Variants in MAP3K12 observed in about 807,000 individuals in gnomAD.
MAP3K12 encodes the protein MAPK-upstream kinase.
A neutral mutation model predicts 87.5 loss-of-function variants in MAP3K12; 14 were observed. The observed-to-expected ratio is 0.16, with a 90% CI of 0.11 to 0.25. The LOEUF (loss-of-function observed/expected upper bound fraction) is 0.25. Among genes scored for constraint, MAP3K12 ranks in the 10% least tolerant of loss-of-function variants. MAP3K12 has a pLI of 1.00. For missense variants in MAP3K12, 802 were observed against 1,140.4 expected (o/e 0.70, Z 4.27); for synonymous variants, 469 against 452.5 (o/e 1.04, Z -0.46).
At chr12:53,501,011 T>TA (rs1943675893), upstream of MAP3K12, 1 of 232,012 alleles carries the variant, frequency 4.3e-6, no homozygotes, top group Non-Finnish European at 8.7e-6. Context: ...AGTGAGTCCT[T>TA]ACCGCCTCCC....
chr12:53,497,851 G>A (rs1943573264), intron 1 of MAP3K12, among the ~76,000 whole-genome samples: 1 of 152,162 alleles, frequency 6.6e-6, no homozygotes, highest in Non-Finnish European at 1.5e-5. Flanking sequence ...AGGGAGGACT[G>A]TGCATTACGA....
rs1271221114 is a variant in MAP3K12, at chr12:53,482,571, T to C, written c.2232A>G (p.Arg744=). ...AALLYRAAVT[R]SQKRGISSEE... is the part of the protein sequence containing the mutation. ...GAGCCTTCCCATACTTTACCTGACT[T>C]CGGGTGACGGCAGCCCTGTACAGCA... The change falls in exon 11 of 14, where the codon CGA becomes CGG. Residue 744 remains arginine (R), a synonymous_variant. Transcript: ENST00000547488. 3 of 1,604,338 alleles carry C rather than the reference T, an allele frequency of 1.9e-6. No individual in the cohort carries two copies. Among genetic ancestry groups the C allele is most frequent in the Non-Finnish European group, 2.6e-6 (3 of 1,175,326 alleles).
In MAP3K12 at chr12:53,497,459, C is replaced by T. The variant is rs191229007; in HGVS notation, c.-38+1968G>A. On this transcript the variant is annotated intron_variant, in intron 1 of 13. Transcript: ENST00000547488. ...TATCCTGAATGATCTTTAGCCTCCT[C>T]TGGAATCTGGTCACTGTCACAGTCT... 1.1e-3 allele frequency among the ~76,000 whole-genome samples: 175 copies of T among 152,322 alleles called. 1 individual carries two copies. Among genetic ancestry groups the T allele is most frequent in the African/African-American group, 4.0e-3 (166 of 41,574 alleles).
In MAP3K12 at chr12:53,487,392, C is replaced by T. The variant is rs763081585; in HGVS notation, c.-1G>A. ...TTCGGGTCTCATGGAGGCAAGCCATCGCCTCTGGCCCCTGGTATGATGGTG... is the reference window on the plus strand; with the variant it reads ...TTCGGGTCTCATGGAGGCAAGCCATTGCCTCTGGCCCCTGGTATGATGGTG... On this transcript the variant is annotated 5_prime_UTR_variant, in exon 2 of 14. Coordinates refer to ENST00000547488, the MANE Select transcript of MAP3K12 (RefSeq NM_001193511.2). 1.1e-5 allele frequency: 18 copies of T among 1,604,724 alleles called. No homozygotes were observed. Among genetic ancestry groups the T allele is most frequent in the Non-Finnish European group, 1.4e-5 (16 of 1,175,210 alleles).
chr12:53,482,814 C>G lies in MAP3K12; in HGVS notation c.1989G>C (p.Gly663=). 1 of 1,611,028 alleles carries G rather than the reference C, an allele frequency of 6.2e-7. No homozygotes were observed. Among genetic ancestry groups the G allele is most frequent in the South Asian group, 1.1e-5 (1 of 90,916 alleles). ...SRGRGATGGA[G]DPGSPPPARG... ...GGGCCGGAGGTGGTGAGCCAGGATC[C>G]CCAGCTCCGCCTGTGGCCCCCCGGC... is the stretch of plus-strand genomic sequence containing the variant. Residue 663 remains glycine, a synonymous_variant, in exon 11 of 14, where the codon GGG becomes GGC. Transcript: ENST00000547488.
chr12:53,495,115 G>C (rs1305749046), intron 1 of MAP3K12, among the ~76,000 whole-genome samples: 1 of 151,964 alleles, frequency 6.6e-6, no homozygotes, highest in Non-Finnish European at 1.5e-5. Context: ...CCAGGCGGGC[G>C]GATCATGAGG....
At chr12:53,482,459 G>T in intron 11 of MAP3K12, 90 bp from the exon 12 acceptor site, 1 of 1,606,214 alleles carries the variant, frequency 6.2e-7, no homozygotes. Flanking sequence ...TACGAAGGGT[G>T]AAGTAGGGAA....
At chr12:53,501,317 T>G, upstream of MAP3K12, 1 of 1,463,978 alleles carries the variant, frequency 6.8e-7, no homozygotes, top group Non-Finnish European at 9.3e-7. Flanking sequence ...CGGCCGCGAC[T>G]CCGGGCTTGG....
chr12:53,496,360 C>A (rs959808041), intron 1 of MAP3K12, among the ~76,000 whole-genome samples: 3 of 152,194 alleles, frequency 2.0e-5, no homozygotes, highest in Admixed American at 1.3e-4. Flanking sequence ...TTCTGCACCC[C>A]ATCCTCACTC....
rs1943072077 is a variant in MAP3K12 at position 53,482,120 on chromosome 12, A to G, written c.2401T>C (p.Ser801Pro). ...DGEEGTASEP[S>P]PSGTPEVGST... ...CCAACTTCAGGTGTGCCACTGGGGG[A>G]AGGTTCACTAGCTGTGCCTTCCTCC... Residue 801 changes from serine (S) to proline (P), a missense_variant, in exon 13 of 14, where the codon TCC becomes CCC. By Grantham distance (74) the Ser-to-Pro change is moderately conservative. This residue lies in a region of MAP3K12 where 490 missense variants were observed against 496.6 expected (regional missense o/e 0.99). Transcript: ENST00000547488. The G allele has an allele frequency of 6.2e-7, 1 of 1,614,034 alleles. No individual in the cohort carries two copies. Among genetic ancestry groups the G allele is most frequent in the Non-Finnish European group, 8.5e-7 (1 of 1,180,008 alleles).
intron 1 of MAP3K12, among the ~76,000 whole-genome samples, chr12:53,492,853 G>A (rs1278260036): frequency 6.6e-6 from 1 of 151,984 alleles, no homozygotes; most frequent in African/African-American, 2.4e-5. Context: ...TCGCCTGGCA[G>A]GCCAGGAGGG....
chr12:53,489,298 GA>G (rs869248547), intron 1 of MAP3K12, among the ~76,000 whole-genome samples: 3 of 151,924 alleles, frequency 2.0e-5, no homozygotes, highest in Non-Finnish European at 4.4e-5. Context: ...CAGCCTGGGC[GA>G]AGTAGCCAAA....
At chr12:53,485,994 G>T (rs1943218390) in intron 4 of MAP3K12, 62 bp downstream of exon 4, 2 of 1,491,144 alleles carry the variant, frequency 1.3e-6, no homozygotes, top group East Asian at 2.3e-5. Flanking sequence ...CCGGGAGAAG[G>T]CCACACTGAC....
At chr12:53,499,048 A>C (rs1943614317) in intron 1 of MAP3K12, among the ~76,000 whole-genome samples, 1 of 149,702 alleles carries the variant, frequency 6.7e-6, no homozygotes, top group Non-Finnish European at 1.5e-5. Flanking sequence ...TTCCTTCCCT[A>C]GAGGGGGCCA....
In MAP3K12 at chr12:53,487,068, G is replaced by T. The variant is rs769928961; in HGVS notation, c.324C>A (p.Asp108Glu). 11 of 1,613,912 alleles carry T rather than the reference G, an allele frequency of 6.8e-6. No individual in the cohort carries two copies. Among genetic ancestry groups the T allele is most frequent in the African/African-American group, 2.7e-5 (2 of 74,888 alleles). Residue 108 changes from aspartate to glutamate, a missense_variant, in exon 2 of 14, where the codon GAC (aspartate) becomes GAA (glutamate). Transcript: ENST00000547488. The part of the protein sequence containing the change: ...PESRASRVRA[D>E]EVRLQCQSGS... Reference sequence around the variant, plus strand: ...CACTCTGGCACTGCAGTCGCACCTCGTCAGCTCGAACTCTGGATGCCCGAC... The same window carrying T: ...CACTCTGGCACTGCAGTCGCACCTCTTCAGCTCGAACTCTGGATGCCCGAC...
At position 53,486,255 on chromosome 12, in the gene MAP3K12, C is replaced by A; in HGVS notation, c.630-8G>T. ...GCCTGGGTGCACACACCCCTGGGAG[C>A]CAAACAATGGTATGAAGGCCTCAGC... On this transcript the variant is annotated splice_polypyrimidine_tract_variant and splice_region_variant and intron_variant, in intron 3 of 13. Transcript: ENST00000547488. The surrounding 1 kb of genome is among the most constrained non-coding windows in gnomAD (Gnocchi z 4.9). 1 of 1,593,892 alleles carries A rather than the reference C, an allele frequency of 6.3e-7. No homozygotes were observed.
At chr12:53,481,771 C>G (rs886433630) in intron 13 of MAP3K12, 170 bp downstream of exon 13, 16 of 747,168 alleles carry the variant, frequency 2.1e-5, no homozygotes, top group Non-Finnish European at 3.4e-5. Context: ...GGTCAGGCAT[C>G]GTAATAGATG....
At chr12:53,496,841 A>G (rs933128659) in intron 1 of MAP3K12, among the ~76,000 whole-genome samples, 3 of 152,252 alleles carry the variant, frequency 2.0e-5, no homozygotes, top group Admixed American at 2.0e-4. Flanking sequence ...CAATAGGGAG[A>G]GGGTAGGTGG....
rs1943257976 is a variant in MAP3K12, at chr12:53,487,401, C to G, written c.-10G>C. The G allele has an allele frequency of 1.2e-6, 2 of 1,600,774 alleles. No homozygotes were observed. Among genetic ancestry groups the G allele is most frequent in the South Asian group, 1.1e-5 (1 of 89,004 alleles). ...CATGGAGGCAAGCCATCGCCTCTGG[C>G]CCCTGGTATGATGGTGAACACTGGG... is the stretch of plus-strand genomic sequence containing the variant. On this transcript the variant is annotated 5_prime_UTR_variant, in exon 2 of 14. Coordinates refer to ENST00000547488, the MANE Select transcript of MAP3K12 (RefSeq NM_001193511.2).
Sources: allele counts gnomAD v4.1 joint callset (sites outside exome capture counted in the v4.1 genomes callset), GRCh38; gene constraint gnomAD v4.1.1; regional missense constraint gnomAD v4.1.1; non-coding constraint Gnocchi (gnomAD v3.1); transcripts MANE v1.5; gene names NCBI Gene and HGNC (gene_info 2026-07-23, HGNC 2026-07-21).